Variants in KSR1 observed in about 807,000 individuals in gnomAD.
KSR1 encodes the protein kinase suppressor of ras 1, also known as kinase suppressor of ras.
In KSR1, 35 loss-of-function variants were observed where a neutral mutation model predicts 92.9. The ratio of observed to expected loss-of-function variants is 0.38; its 90% CI spans 0.29 to 0.50. The LOEUF (loss-of-function observed/expected upper bound fraction) is 0.50, where lower values mean the gene tolerates loss of function less well. Among genes scored for constraint, KSR1 ranks in the 20% least tolerant of loss-of-function variants. The pLI is 0.94. For synonymous variants in KSR1, 467 were observed against 472.6 expected, an observed-to-expected ratio of 0.99 and a Z score of 0.15; for missense variants, 972 against 1,158.5, an observed-to-expected ratio of 0.84 and a Z score of 2.34.
intron 1 of KSR1, among the ~76,000 whole-genome samples, chr17:27,519,454 C>G (rs753376048): frequency 6.6e-6 from 1 of 152,148 alleles, no homozygotes; most frequent in Non-Finnish European, 1.5e-5. Context: ...AAAGGAGTCC[C>G]CTTCAACCCC....
chr17:27,491,148 T>C (rs2068811800), intron 1 of KSR1, among the ~76,000 whole-genome samples: 1 of 151,706 alleles, frequency 6.6e-6, no homozygotes, highest in East Asian at 1.9e-4. Context: ...AGAGGTGGAG[T>C]CTCATTCTGT....
chr17:27,555,660 C>T (rs995314264), intron 2 of KSR1, among the ~76,000 whole-genome samples: 3 of 152,210 alleles, frequency 2.0e-5, no homozygotes, highest in Admixed American at 6.5e-5. Context: ...GTGAGTTATT[C>T]GCTCTGCTTT....
chr17:27,618,693 A>T (rs1360254259), intron 19 of KSR1, among the ~76,000 whole-genome samples: 1 of 152,178 alleles, frequency 6.6e-6, no homozygotes, highest in African/African-American at 2.4e-5. Context: ...GGGATTTCAC[A>T]TGTCATGAAA....
chr17:27,462,402 C>A (rs1418647824), intron 1 of KSR1, among the ~76,000 whole-genome samples: 1 of 152,124 alleles, frequency 6.6e-6, no homozygotes, highest in Non-Finnish European at 1.5e-5. Context: ...GGGCCGAGGG[C>A]ATTCCGTGGC....
intron 1 of KSR1, among the ~76,000 whole-genome samples, chr17:27,501,201 A>G (rs1264996403): frequency 6.8e-6 from 1 of 146,648 alleles, no homozygotes; most frequent in Non-Finnish European, 1.5e-5. Context: ...TGGTTGCTTT[A>G]GAGTCAGGAC....
chr17:27,572,202 A>C (rs2072336282), intron 2 of KSR1, among the ~76,000 whole-genome samples: 1 of 152,216 alleles, frequency 6.6e-6, no homozygotes, highest in South Asian at 2.1e-4. Flanking sequence ...CACCTACTGG[A>C]GAACATATCT....
At chr17:27,478,856 G>A (rs115530032) in intron 1 of KSR1, among the ~76,000 whole-genome samples, 3,147 of 152,246 alleles carry the variant, frequency 0.021, 107 homozygotes, top group African/African-American at 0.071. Context: ...AAATAAGCAC[G>A]ACTGTTGCTG....
intron 1 of KSR1, among the ~76,000 whole-genome samples, chr17:27,484,602 G>A (rs1477855703): frequency 1.3e-5 from 2 of 152,082 alleles, no homozygotes; most frequent in Admixed American, 6.6e-5. Context: ...GGTACAGAAG[G>A]AGGAGCCCTG....
intron 1 of KSR1, among the ~76,000 whole-genome samples, chr17:27,538,862 C>A (rs2070854047): frequency 6.6e-6 from 1 of 152,204 alleles, no homozygotes; most frequent in Non-Finnish European, 1.5e-5. Context: ...TGCCCCTGTC[C>A]AGCCCTTTGT....
At chr17:27,611,440 C>T in intron 17 of KSR1, 54 bp from the exon 18 acceptor site, 1 of 1,611,248 alleles carries the variant, frequency 6.2e-7, no homozygotes, top group Non-Finnish European at 8.5e-7. Flanking sequence ...GGCCCCTGGG[C>T]TTGAGCTGGG....
chr17:27,583,218 G>A (rs2072842983), intron 4 of KSR1, 113 bp downstream of exon 4: 1 of 707,046 alleles, frequency 1.4e-6, no homozygotes, highest in African/African-American at 1.8e-5. Flanking sequence ...AAAGTCAAAA[G>A]TAAAAGGTGC....
At chr17:27,552,614 C>T (rs1400932841) in intron 2 of KSR1, among the ~76,000 whole-genome samples, 1 of 152,180 alleles carries the variant, frequency 6.6e-6, no homozygotes, top group Admixed American at 6.5e-5. Context: ...AGTTGGTGCC[C>T]CCAGGGGAGA....
chr17:27,585,561 A>T (rs2072933537), intron 4 of KSR1, 96 bp from the exon 5 acceptor site: 31 of 719,612 alleles, frequency 4.3e-5, no homozygotes, highest in South Asian at 4.3e-4. Context: ...CCTACGTCCC[A>T]GCCCCTTGCC....
At chr17:27,620,753 G>A (rs2074201238) in intron 19 of KSR1, among the ~76,000 whole-genome samples, 1 of 152,164 alleles carries the variant, frequency 6.6e-6, no homozygotes, top group Admixed American at 6.5e-5. Flanking sequence ...GCTGGGCCCT[G>A]GTTTTCTCCG....
intron 1 of KSR1, among the ~76,000 whole-genome samples, chr17:27,480,281 C>T (rs2068473194): frequency 6.6e-6 from 1 of 152,230 alleles, no homozygotes; most frequent in African/African-American, 2.4e-5. Context: ...GCCTCCCCCA[C>T]CTAACACATA....
chr17:27,580,572 C>T (rs942715058), intron 3 of KSR1, among the ~76,000 whole-genome samples: 3 of 152,084 alleles, frequency 2.0e-5, no homozygotes, highest in Admixed American at 2.0e-4. Flanking sequence ...GTGGGGAGCA[C>T]GGTGCTGAGA....
chr17:27,605,912 T>A (rs922887658), intron 14 of KSR1, 99 bp downstream of exon 14: 152 of 1,470,534 alleles, frequency 1.0e-4, no homozygotes, highest in Non-Finnish European at 1.4e-4. Flanking sequence ...GTGGAAGTTC[T>A]AATAGAGGCA....
rs1303385582 is a variant in KSR1, at chr17:27,623,684, GTC to G, written c.*294_*295del. ...TTTACAATAGGTAATAATAAAAACA[GTC>G]TGTGCAGATGCACTGGCACTGACGG... On this transcript the variant is annotated 3_prime_UTR_variant, in exon 21 of 21. Coordinates refer to ENST00000644974, the MANE Select transcript of KSR1 (RefSeq NM_001394583.1). 1 of 597,042 alleles carries G rather than the reference GTC, an allele frequency of 1.7e-6. No homozygotes were observed. Among genetic ancestry groups the G allele is most frequent in the East Asian group, 2.8e-5 (1 of 35,332 alleles). 37.0% of individuals were successfully genotyped at this position (597,042 alleles called of 1,614,324 possible). A position where few individuals can be genotyped will look rare whatever the true frequency, so the allele number is the denominator to read the frequency against.
chr17:27,513,701 G>A (rs533787759), intron 1 of KSR1, among the ~76,000 whole-genome samples: 39 of 152,332 alleles, frequency 2.6e-4, no homozygotes, highest in Non-Finnish European at 4.4e-4. Flanking sequence ...CGTTTTCCAG[G>A]TGTTGTGAGG....
Sources: allele counts gnomAD v4.1 joint callset (sites outside exome capture counted in the v4.1 genomes callset), GRCh38; gene constraint gnomAD v4.1.1; transcripts MANE v1.5; gene names NCBI Gene and HGNC (gene_info 2026-07-23, HGNC 2026-07-21).